The following KALRN variants were observed in gnomAD, a reference collection of about 807,000 sequenced individuals.
KALRN encodes kalirin.
KALRN carries 70 observed loss-of-function variants against 353.7 expected under a neutral mutation model. The ratio of observed to expected loss-of-function variants is 0.20; its 90% CI spans 0.16 to 0.24. The LOEUF (loss-of-function observed/expected upper bound fraction) is 0.24, where lower values mean the gene tolerates loss of function less well. Among genes scored for constraint, KALRN ranks in the 10% least tolerant of loss-of-function variants. The pLI, the probability that KALRN is intolerant of heterozygous loss-of-function variation, is 1.00. For missense variants in KALRN, 2,791 were observed against 3,756.7 expected, an observed-to-expected ratio of 0.74 and a Z score of 6.72; for synonymous variants, 1,391 against 1,434.8, an observed-to-expected ratio of 0.97 and a Z score of 0.69.
intron 41 of KALRN, 118 bp from the exon 42 acceptor site, chr3:124,658,313 G>T (rs1559786245): frequency 3.9e-6 from 3 of 768,714 alleles, no homozygotes; most frequent in African/African-American, 3.4e-5. Flanking sequence ...CAGCTGCCTT[G>T]GTGCGTCCCC....
chr3:124,602,961 T>TGTTTTGTTTTGTTTC (rs2076968481), intron 34 of KALRN, among the ~76,000 whole-genome samples: 1 of 152,176 alleles, frequency 6.6e-6, no homozygotes, highest in Non-Finnish European at 1.5e-5. Context: ...GTTGTTGTTT[T>TGTTTTGTTTTGTTTC]GTTTTGTTTT....
At chr3:124,614,842 G>C (rs1345050000) in intron 34 of KALRN, among the ~76,000 whole-genome samples, 1 of 152,180 alleles carries the variant, frequency 6.6e-6, no homozygotes, top group Non-Finnish European at 1.5e-5. Context: ...AAAATGTTGA[G>C]ATTACTGGCA....
intron 25 of KALRN, among the ~76,000 whole-genome samples, chr3:124,466,412 T>C (rs2107791477): frequency 6.6e-6 from 1 of 152,330 alleles, no homozygotes; most frequent in African/African-American, 2.4e-5. Flanking sequence ...CCCTAGACAG[T>C]AATGATTTTG....
At chr3:124,366,568 G>C (rs1247912715) in intron 10 of KALRN, among the ~76,000 whole-genome samples, 1 of 150,126 alleles carries the variant, frequency 6.7e-6, no homozygotes, top group Non-Finnish European at 1.5e-5. Flanking sequence ...ATTTTTCTTA[G>C]TGCAGAACAA....
intron 57 of KALRN, among the ~76,000 whole-genome samples, chr3:124,707,266 C>T (rs2062668863): frequency 6.6e-6 from 1 of 152,086 alleles, no homozygotes; most frequent in Non-Finnish European, 1.5e-5. Flanking sequence ...TTGCTTGAGC[C>T]TGGGAGGTCG....
At chr3:124,061,010 A>G (rs930273174) in intron 1 of KALRN, among the ~76,000 whole-genome samples, 1 of 152,236 alleles carries the variant, frequency 6.6e-6, no homozygotes, top group African/African-American at 2.4e-5. Context: ...GACTTCACTT[A>G]CAAAGCACAG....
intron 13 of KALRN, among the ~76,000 whole-genome samples, chr3:124,408,602 A>G (rs1001383163): frequency 1.1e-4 from 16 of 152,338 alleles, no homozygotes; most frequent in Admixed American, 5.9e-4. Flanking sequence ...CAATCATACT[A>G]TCTTCATCAT....
chr3:124,367,472 C>T (rs1194583375), intron 10 of KALRN, among the ~76,000 whole-genome samples: 7 of 98,458 alleles, frequency 7.1e-5, no homozygotes, highest in African/African-American at 3.4e-4. Context: ...CTGACCCCCC[C>T]ACCTCCCTCC....
intron 1 of KALRN, among the ~76,000 whole-genome samples, chr3:124,135,007 C>A (rs1479231644): frequency 6.6e-6 from 1 of 152,176 alleles, no homozygotes; most frequent in Non-Finnish European, 1.5e-5. Context: ...ACCATTTGAT[C>A]CAGCAATGCC....
At chr3:124,461,820 G>A in intron 23 of KALRN, 70 bp from the exon 24 acceptor site, 1 of 1,078,664 alleles carries the variant, frequency 9.3e-7, no homozygotes. Flanking sequence ...GCTGGGGTGG[G>A]GAAGTGAAGT....
Position 124,076,573 on chromosome 3 carries a change from A to G in KALRN, c.73+42760A>G, listed in dbSNP as rs114808796. Reference sequence around the variant, plus strand: ...TTCCATTGAGGGAAAATCACTCCCAACTCCTCTGTGCTTCTGTTTAATGTC... The same window carrying G: ...TTCCATTGAGGGAAAATCACTCCCAGCTCCTCTGTGCTTCTGTTTAATGTC... On this transcript the variant is annotated intron_variant, in intron 1 of 59. Coordinates refer to ENST00000682506, the MANE Select transcript of KALRN (RefSeq NM_001388419.1). 8.0e-3 allele frequency among the ~76,000 whole-genome samples: 1,208 copies of G among 151,850 alleles called. 13 individuals carry two copies. Among genetic ancestry groups the G allele is most frequent in the African/African-American group, 0.026 (1,068 of 41,404 alleles).
chr3:124,293,461 C>G (rs542999813), intron 5 of KALRN, among the ~76,000 whole-genome samples: 164 of 151,998 alleles, frequency 1.1e-3, no homozygotes, highest in African/African-American at 3.9e-3. Flanking sequence ...TTTAGCTATT[C>G]CTATTATTGA....
At chr3:124,500,898 A>G (rs754117486) in intron 33 of KALRN, among the ~76,000 whole-genome samples, 5 of 152,186 alleles carry the variant, frequency 3.3e-5, no homozygotes, top group Non-Finnish European at 5.9e-5. Flanking sequence ...GAAGAAATCT[A>G]CAATTATAGA....
At chr3:124,232,297 A>C (rs2079253552) in intron 2 of KALRN, among the ~76,000 whole-genome samples, 1 of 152,088 alleles carries the variant, frequency 6.6e-6, no homozygotes, top group Non-Finnish European at 1.5e-5. Context: ...ACCCAGTCCT[A>C]CTGTCATTCT....
intron 58 of KALRN, among the ~76,000 whole-genome samples, chr3:124,714,644 C>T (rs1397732893): frequency 6.6e-6 from 1 of 152,206 alleles, no homozygotes; most frequent in Non-Finnish European, 1.5e-5. Flanking sequence ...CACCAACTAC[C>T]ATCCAGACCA....
rs2062757611 is a variant in KALRN at position 124,488,132 on chromosome 3, C to T, written c.4285-72C>T. The T allele has an allele frequency of 2.5e-5, 22 of 881,504 alleles. 1 individual carries two copies. Among genetic ancestry groups the T allele is most frequent in the South Asian group, 6.0e-5 (4 of 66,662 alleles). 54.6% of individuals were successfully genotyped at this position (881,504 alleles called of 1,614,324 possible). A position where few individuals can be genotyped will look rare whatever the true frequency, so the allele number is the denominator to read the frequency against. Reference sequence around the variant, plus strand: ...GAGAGCGAAGCTGGTCTATAATTTCCTTGCTGGGTTAGGTGGTGGGAGGAA... The same window carrying T: ...GAGAGCGAAGCTGGTCTATAATTTCTTTGCTGGGTTAGGTGGTGGGAGGAA... On this transcript the variant is annotated intron_variant, in intron 28 of 59. Coordinates refer to ENST00000682506, the MANE Select transcript of KALRN (RefSeq NM_001388419.1).
intron 9 of KALRN, 75 bp from the exon 10 acceptor site, chr3:124,347,068 T>C: frequency 6.2e-7 from 1 of 1,603,364 alleles, no homozygotes; most frequent in East Asian, 2.2e-5. Context: ...GTTAGGACTC[T>C]AGCAGTTGCA....
intron 1 of KALRN, among the ~76,000 whole-genome samples, chr3:124,058,602 G>A (rs1343473560): frequency 6.6e-6 from 1 of 152,118 alleles, no homozygotes; most frequent in Non-Finnish European, 1.5e-5. Context: ...TGGTGCCTGA[G>A]AGCACTAGCC....
At chr3:124,684,941 C>G (rs1167250010) in intron 51 of KALRN, among the ~76,000 whole-genome samples, 1 of 152,054 alleles carries the variant, frequency 6.6e-6, no homozygotes, top group African/African-American at 2.4e-5. Flanking sequence ...CCCCGCACCC[C>G]ACTCCCCGCC....
Sources: gnomAD v4.1 joint callset for allele counts (sites outside exome capture counted in the v4.1 genomes callset) on GRCh38, gnomAD v4.1.1 for gene constraint, MANE v1.5 for transcripts, NCBI Gene and HGNC (gene_info 2026-07-23, HGNC 2026-07-21) for gene names.